Variants in PIK3CD observed in about 807,000 individuals in gnomAD.
PIK3CD encodes the protein phosphatidylinositol 4,5-bisphosphate 3-kinase catalytic subunit delta isoform.
PIK3CD carries 20 observed loss-of-function variants against 122.9 expected under a neutral mutation model. The observed-to-expected ratio is 0.16, with a 90% confidence interval of 0.11 to 0.24. The LOEUF (loss-of-function observed/expected upper bound fraction) is 0.24. Ranked by LOEUF, PIK3CD falls within the 10% of genes least tolerant of loss-of-function variation. The pLI, the probability that PIK3CD is intolerant of heterozygous loss-of-function variation, is 1.00. For missense variants in PIK3CD, 787 were observed against 1,406.3 expected (o/e 0.56, Z 7.04); for synonymous variants, 596 against 593.4 (o/e 1.00, Z -0.06).
upstream of PIK3CD, among the ~76,000 whole-genome samples, chr1:9,648,601 C>T (rs1021421194): frequency 6.6e-6 from 1 of 152,218 alleles, no homozygotes; most frequent in African/African-American, 2.4e-5. Context: ...ATCCTTGAAA[C>T]AGGCTAGAGA....
rs1310471233 is a variant in PIK3CD at position 9,704,771 on chromosome 1, C to T, written c.-32-5653C>T. Among the ~76,000 whole-genome samples the T allele has an allele frequency of 1.3e-5, 2 of 152,252 alleles. No homozygotes were observed. The highest frequency in any genetic ancestry group is 4.8e-5 in the African/African-American group (2 of 41,470). On this transcript the variant is annotated intron_variant, in intron 2 of 23. Transcript: ENST00000377346. This position sits in a 1 kb window ranked among gnomAD's most constrained non-coding sequence, Gnocchi z 5.0. ...CAAAGTGATCCACTGGCCTCAGCCT[C>T]CCAAAGTGCTGGGATTACAGGCGTG...
intron 13 of PIK3CD, 100 bp from the exon 14 acceptor site, chr1:9,721,027 T>G (rs538700555): frequency 8.2e-7 from 1 of 1,217,968 alleles, no homozygotes; most frequent in South Asian, 1.2e-5. Context: ...ACCCTGACCC[T>G]GGCCACCCAC....
chr1:9,699,600 CT>C (rs113698547), intron 2 of PIK3CD, among the ~76,000 whole-genome samples: 7,099 of 145,566 alleles, frequency 0.049, 416 homozygotes, highest in African/African-American at 0.14. Flanking sequence ...TTTGTACTTT[CT>C]TTTTTTTTTT....
chr1:9,684,087 C>G (rs1475524427), intron 1 of PIK3CD, among the ~76,000 whole-genome samples: 5 of 152,132 alleles, frequency 3.3e-5, no homozygotes, highest in African/African-American at 1.2e-4. Context: ...TTCTCATGGC[C>G]TCACCTCTCA....
In PIK3CD at chr1:9,723,336, G is replaced by A. The variant is rs1648985685; in HGVS notation, c.2594+44G>A. 20 of 1,598,738 alleles carry A rather than the reference G, an allele frequency of 1.3e-5. No individual in the cohort carries two copies. The East Asian group carries it at 4.0e-4, about 32-fold the overall frequency. ...GATAGGTTCCCTCTCCTTTCCAAGAGGTGTGGAGTGGGAGGGCCTCGCCTG... is the reference window on the plus strand; with the variant it reads ...GATAGGTTCCCTCTCCTTTCCAAGAAGTGTGGAGTGGGAGGGCCTCGCCTG... On this transcript the variant is annotated intron_variant, in intron 20 of 23. Transcript: ENST00000377346. This position sits in a 1 kb window ranked among gnomAD's most constrained non-coding sequence, Gnocchi z 4.9.
Position 9,722,044 on chromosome 1 carries a change from C to G in PIK3CD, c.2125C>G (p.Pro709Ala). 1 of 1,613,728 alleles carries G rather than the reference C, an allele frequency of 6.2e-7. No individual in the cohort carries two copies. Among genetic ancestry groups the G allele is most frequent in the Non-Finnish European group, 8.5e-7 (1 of 1,180,020 alleles). ...GCTGAGCTCTCAGAAGACCCCCAAG[C>G]CCCAGACCAAGGAGCTGATGCACTT... The part of the protein sequence containing the change: ...VKLSSQKTPK[P>A]QTKELMHLCM... The change falls in exon 17 of 24, where the codon CCC becomes GCC. Residue 709 changes from proline to alanine, a missense_variant. Pro to Ala is a conservative substitution (Grantham distance 27). Around this residue, in one of 6 missense-constraint regions of PIK3CD, gnomAD observed 48 missense variants for 71.9 expected, o/e 0.67. Coordinates refer to ENST00000377346, the MANE Select transcript of PIK3CD (RefSeq NM_005026.5). This position sits in a 1 kb window ranked among gnomAD's most constrained non-coding sequence, Gnocchi z 7.6.
rs1290247713 is a variant in PIK3CD at position 9,689,830 on chromosome 1, T to C, written c.-137-1637T>C. ...CGGGCTTTGTCCGCCTGGGGCGGGG[T>C]GGGCAGGGTCGGTGGAGGCGATCAG... On this transcript the variant is annotated intron_variant, in intron 1 of 23. Transcript: ENST00000377346. The surrounding 1 kb of genome is among the most constrained non-coding windows in gnomAD (Gnocchi z 6.1). 6.8e-6 allele frequency among the ~76,000 whole-genome samples: 1 copy of C among 148,146 alleles called. No homozygotes were observed. The highest frequency in any genetic ancestry group is 1.5e-5 in the Non-Finnish European group (1 of 66,456).
chr1:9,657,278 A>G (rs1644885066), intron 1 of PIK3CD, among the ~76,000 whole-genome samples: 1 of 152,182 alleles, frequency 6.6e-6, no homozygotes, highest in African/African-American at 2.4e-5. Context: ...CATTTTCCAC[A>G]TTATTATTTT....
Position 9,720,281 on chromosome 1 carries a change from C to G in PIK3CD, c.1470+39C>G, listed in dbSNP as rs544666866. On this transcript the variant is annotated intron_variant, in intron 11 of 23. Coordinates refer to ENST00000377346, the MANE Select transcript of PIK3CD (RefSeq NM_005026.5). The surrounding 1 kb of genome is among the most constrained non-coding windows in gnomAD (Gnocchi z 9.0). ...CCGCCGCGTGAGGCTGAGGGGCTGG[C>G]GCGGAGCTCTCCTGGCCCTGCTCCT... is the stretch of plus-strand genomic sequence containing the variant. 2 of 1,585,988 alleles carry G rather than the reference C, an allele frequency of 1.3e-6. No homozygotes were observed. The highest frequency in any genetic ancestry group is 3.4e-5 in the Admixed American group (2 of 58,962).
chr1:9,641,035 C>T, the PIK3CD span, among the ~76,000 whole-genome samples: 2 of 152,194 alleles, frequency 1.3e-5, no homozygotes, highest in African/African-American at 4.8e-5. Context: ...GTCCCCCTTC[C>T]CCTGTCTCTC....
At chr1:9,680,130 GTTTTTA>G (rs1044721645) in intron 1 of PIK3CD, among the ~76,000 whole-genome samples, 1 of 151,996 alleles carries the variant, frequency 6.6e-6, no homozygotes, top group Non-Finnish European at 1.5e-5. Flanking sequence ...TGGCCTAATG[GTTTTTA>G]TTTTTATTTT....
intron 3 of PIK3CD, among the ~76,000 whole-genome samples, chr1:9,712,904 C>A (rs1647113335): frequency 1.3e-5 from 2 of 151,878 alleles, no homozygotes; most frequent in South Asian, 4.2e-4. Context: ...TTAGCCAGGG[C>A]CAAGCATGGT....
intron 5 of PIK3CD, 85 bp from the exon 6 acceptor site, chr1:9,716,355 T>C: frequency 2.2e-6 from 3 of 1,341,764 alleles, no homozygotes; most frequent in Non-Finnish European, 2.1e-6. Context: ...ACCCTACCCT[T>C]GGGGGCAAAT....
intron 2 of PIK3CD, among the ~76,000 whole-genome samples, chr1:9,697,168 T>G (rs1268344778): frequency 6.6e-6 from 1 of 151,930 alleles, no homozygotes; most frequent in Non-Finnish European, 1.5e-5. Flanking sequence ...GCCCAGGAGT[T>G]CAAGACTAGC....
intron 1 of PIK3CD, among the ~76,000 whole-genome samples, chr1:9,674,159 A>G (rs1357454402): frequency 6.6e-6 from 1 of 152,230 alleles, no homozygotes; most frequent in African/African-American, 2.4e-5. Context: ...CTCCGGGACT[A>G]GGGGAAGCCC....
the PIK3CD span, among the ~76,000 whole-genome samples, chr1:9,640,472 T>C: frequency 7.3e-6 from 1 of 137,482 alleles, no homozygotes; most frequent in Non-Finnish European, 1.5e-5. Context: ...CCCAGCTACT[T>C]GGGAGGCCGA....
At chr1:9,686,693 T>C (rs779101279) in intron 1 of PIK3CD, among the ~76,000 whole-genome samples, 9 of 152,214 alleles carry the variant, frequency 5.9e-5, no homozygotes, top group Non-Finnish European at 1.0e-4. Flanking sequence ...ATTTATCCAC[T>C]AAATGACTTT....
upstream of PIK3CD, among the ~76,000 whole-genome samples, chr1:9,650,651 A>T (rs1363609641): frequency 2.0e-5 from 3 of 151,958 alleles, no homozygotes; most frequent in Non-Finnish European, 4.4e-5. Context: ...AGAAAAAGAA[A>T]GAAAAGAAAA....
At position 9,715,003 on chromosome 1, in the gene PIK3CD, T is replaced by C. The variant is rs1290578598; in HGVS notation, c.142-538T>C. On this transcript the variant is annotated intron_variant, in intron 3 of 23. Coordinates refer to ENST00000377346, the MANE Select transcript of PIK3CD (RefSeq NM_005026.5). The surrounding 1 kb of genome is among the most constrained non-coding windows in gnomAD (Gnocchi z 4.1). ...TTGGCCAATGTAGCGAAACCCCATC[T>C]CTACTAAAAAAAAATACAAAAAATT... Among the ~76,000 whole-genome samples the C allele has an allele frequency of 6.6e-6, 1 of 151,726 alleles. No individual in the cohort carries two copies. Among genetic ancestry groups the C allele is most frequent in the African/African-American group, 2.4e-5 (1 of 41,238 alleles).
Sources: gnomAD v4.1 joint callset for allele counts (sites outside exome capture counted in the v4.1 genomes callset) on GRCh38, gnomAD v4.1.1 for gene constraint, gnomAD v4.1.1 regional missense constraint, Gnocchi (gnomAD v3.1) non-coding constraint, MANE v1.5 for transcripts, NCBI Gene and HGNC (gene_info 2026-07-23, HGNC 2026-07-21) for gene names.